The following VWA3B variants were observed in gnomAD, a reference collection of about 807,000 sequenced individuals.
VWA3B encodes the protein von Willebrand factor A domain containing 3B.
In VWA3B, 138 loss-of-function variants were observed where a neutral mutation model predicts 158.3. The ratio of observed to expected loss-of-function variants is 0.87; its 90% CI spans 0.76 to 1.00. The LOEUF is 1.00. Ranked by LOEUF, VWA3B falls within the 50% of genes least tolerant of loss-of-function variation. VWA3B has a pLI of 0.00. For synonymous variants in VWA3B, 596 were observed against 587.3 expected, an observed-to-expected ratio of 1.01 and a Z score of -0.21; for missense variants, 1,555 against 1,565.1, an observed-to-expected ratio of 0.99 and a Z score of 0.11.
intron 2 of VWA3B, among the ~76,000 whole-genome samples, chr2:98,100,505 C>T (rs1683007642): frequency 6.6e-6 from 1 of 152,372 alleles, no homozygotes; most frequent in Non-Finnish European, 1.5e-5. Flanking sequence ...CGGCTGAGGC[C>T]TGCCTGTCAC....
At chr2:98,205,473 C>A (rs1269518520) in intron 12 of VWA3B, among the ~76,000 whole-genome samples, 1 of 151,890 alleles carries the variant, frequency 6.6e-6, no homozygotes, top group Non-Finnish European at 1.5e-5. Context: ...TAACAACCAG[C>A]CTTTTGTTTT....
chr2:98,283,338 C>T (rs890720968), intron 22 of VWA3B, among the ~76,000 whole-genome samples: 1 of 152,218 alleles, frequency 6.6e-6, no homozygotes, highest in Non-Finnish European at 1.5e-5. Context: ...GAGACTGTCT[C>T]GTGGTCTCAG....
intron 7 of VWA3B, among the ~76,000 whole-genome samples, chr2:98,162,403 G>T (rs559447055): frequency 6.6e-6 from 1 of 152,122 alleles, no homozygotes; most frequent in Non-Finnish European, 1.5e-5. Flanking sequence ...CTATTACATT[G>T]GGGGAAATAT....
intron 13 of VWA3B, chr2:98,216,982 A>ACCCCCCCCCCC (rs139373261): frequency 1.6e-6 from 2 of 1,237,152 alleles, no homozygotes; most frequent in African/African-American, 1.6e-5. Flanking sequence ...CATTGTAAGC[A>ACCCCCCCCCCC]CCCGCCCCGC....
At chr2:98,200,543 A>C (rs757365943) in intron 12 of VWA3B, among the ~76,000 whole-genome samples, 5,755 of 68,864 alleles carry the variant, frequency 0.084, 181 homozygotes, top group Non-Finnish European at 0.13. Context: ...ACTCCATCTC[A>C]AAAAAAAAAA....
intron 14 of VWA3B, among the ~76,000 whole-genome samples, chr2:98,226,934 A>C (rs1684960667): frequency 1.3e-5 from 2 of 152,202 alleles, no homozygotes; most frequent in African/African-American, 4.8e-5. Flanking sequence ...CCCATAGCCA[A>C]TATCATACTG....
At chr2:98,210,229 G>C (rs1027655908) in intron 12 of VWA3B, among the ~76,000 whole-genome samples, 1 of 152,106 alleles carries the variant, frequency 6.6e-6, no homozygotes, top group Non-Finnish European at 1.5e-5. Context: ...AGTCTGGAGC[G>C]TGCAGCATCC....
At chr2:98,272,700 T>C (rs900661785) in intron 22 of VWA3B, among the ~76,000 whole-genome samples, 6 of 152,162 alleles carry the variant, frequency 3.9e-5, no homozygotes, top group African/African-American at 7.2e-5. Flanking sequence ...TTAGGAGTTA[T>C]GAGCCAGGAA....
At chr2:98,183,673 T>A (rs1011247473) in intron 9 of VWA3B, among the ~76,000 whole-genome samples, 2 of 152,236 alleles carry the variant, frequency 1.3e-5, no homozygotes, top group African/African-American at 4.8e-5. Context: ...AACAAATATT[T>A]ATGGAGCCCC....
chr2:98,166,671 T>C (rs956692125), intron 8 of VWA3B, among the ~76,000 whole-genome samples: 1 of 152,192 alleles, frequency 6.6e-6, no homozygotes, highest in Admixed American at 6.5e-5. Context: ...ACAAGGCGTA[T>C]TTAAGTTTGG....
At chr2:98,218,962 C>A (rs572786600) in intron 14 of VWA3B, among the ~76,000 whole-genome samples, 7 of 152,278 alleles carry the variant, frequency 4.6e-5, no homozygotes, top group South Asian at 4.1e-4. Flanking sequence ...TGGGAGCAAC[C>A]AAACACTCTG....
At chr2:98,284,733 A>G (rs749348841) in intron 22 of VWA3B, among the ~76,000 whole-genome samples, 9 of 152,208 alleles carry the variant, frequency 5.9e-5, no homozygotes, top group Non-Finnish European at 1.2e-4. Flanking sequence ...AAGAGGAGAC[A>G]CTTGAGAATT....
chr2:98,180,501 T>G (rs1680475922), intron 8 of VWA3B, among the ~76,000 whole-genome samples: 1 of 152,244 alleles, frequency 6.6e-6, no homozygotes, highest in African/African-American at 2.4e-5. Flanking sequence ...CTCACATAAC[T>G]TTTCTCACTG....
intron 19 of VWA3B, among the ~76,000 whole-genome samples, chr2:98,243,266 T>C (rs1306920959): frequency 6.6e-6 from 1 of 152,174 alleles, no homozygotes. Context: ...AATTGAAATA[T>C]ATTAATTTAA....
chr2:98,216,960 T>C, intron 13 of VWA3B: 1 of 1,288,844 alleles, frequency 7.8e-7, no homozygotes, highest in Non-Finnish European at 1.0e-6. Context: ...TGGGAGAGAC[T>C]GTCATGTGTA....
chr2:98,155,202 T>A (rs1341677912), intron 7 of VWA3B, among the ~76,000 whole-genome samples: 1 of 152,162 alleles, frequency 6.6e-6, no homozygotes, highest in Non-Finnish European at 1.5e-5. Flanking sequence ...CACTGGAATG[T>A]CACTGGAGCC....
intron 20 of VWA3B, 71 bp from the exon 21 acceptor site, chr2:98,256,053 C>T (rs1202965143): frequency 3.2e-6 from 5 of 1,568,178 alleles, no homozygotes; most frequent in Non-Finnish European, 4.4e-6. Flanking sequence ...CACTGCGGTG[C>T]CTGGGGTTAA....
chr2:98,329,440 G>A, the VWA3B span, among the ~76,000 whole-genome samples: 1 of 152,072 alleles, frequency 6.6e-6, no homozygotes. Flanking sequence ...CGTATTATTT[G>A]ATAAAGGACT....
chr2:98,228,086 C>T, intron 14 of VWA3B, 116 bp from the exon 15 acceptor site: 1 of 1,231,248 alleles, frequency 8.1e-7, no homozygotes, highest in South Asian at 1.8e-5. Flanking sequence ...CCCAGGAGCT[C>T]AAGACCAGCG....
Sources: allele counts gnomAD v4.1 joint callset (sites outside exome capture counted in the v4.1 genomes callset), GRCh38; gene constraint gnomAD v4.1.1; transcripts MANE v1.5; gene names NCBI Gene and HGNC (gene_info 2026-07-23, HGNC 2026-07-21).